Variants in SPIDR observed in about 807,000 individuals in gnomAD.
SPIDR encodes scaffold protein involved in DNA repair.
In SPIDR, 93 loss-of-function variants were observed where a neutral mutation model predicts 104.6. The ratio of observed to expected loss-of-function variants is 0.89; its 90% confidence interval spans 0.75 to 1.06. The LOEUF (loss-of-function observed/expected upper bound fraction) is 1.06, where lower values mean the gene tolerates loss of function less well. Ranked by LOEUF, SPIDR falls within the 50% of genes least tolerant of loss-of-function variation. SPIDR has a pLI of 0.00. For missense variants in SPIDR, 1,154 were observed against 1,111.2 expected (o/e 1.04, Z -0.55); for synonymous variants, 431 against 416.9 (o/e 1.03, Z -0.41).
intron 14 of SPIDR, among the ~76,000 whole-genome samples, chr8:47,703,475 A>T (rs1483389295): frequency 6.6e-6 from 1 of 152,210 alleles, no homozygotes; most frequent in Admixed American, 6.5e-5. Context: ...AAAGAGCCAG[A>T]TAGTCAATAT....
chr8:47,320,899 C>A lies in SPIDR; in HGVS notation c.525+26869C>A, dbSNP rs546831280. On this transcript the variant is annotated intron_variant, in intron 5 of 19. Transcript: ENST00000297423. The stretch of plus-strand genomic sequence containing the variant: ...AAGGCCTTTGACAAAATTTAACAAC[C>A]CTTCATGCTAAAAACTCTCAATAAA... Among the ~76,000 whole-genome samples the A allele has an allele frequency of 4.5e-4, 68 of 152,214 alleles. 1 individual carries two copies. In the South Asian group the frequency reaches 0.012, roughly 27 times the overall value.
intron 5 of SPIDR, among the ~76,000 whole-genome samples, chr8:47,305,151 C>CA (rs2042901575): frequency 2.0e-5 from 3 of 152,208 alleles, no homozygotes; most frequent in African/African-American, 7.2e-5. Flanking sequence ...CTACAGAGGG[C>CA]AGCAGAGACA....
At chr8:47,262,335 AT>A (rs925355305) in intron 1 of SPIDR, among the ~76,000 whole-genome samples, 3 of 151,576 alleles carry the variant, frequency 2.0e-5, no homozygotes. Flanking sequence ...TTTTTACTCA[AT>A]TTTTTTTAGT....
At chr8:47,558,381 G>T (rs2091572541) in intron 8 of SPIDR, among the ~76,000 whole-genome samples, 1 of 152,134 alleles carries the variant, frequency 6.6e-6, no homozygotes, top group Non-Finnish European at 1.5e-5. Context: ...TTATATAGTA[G>T]TTCTAATGTA....
At chr8:47,501,857 T>C (rs905022194) in intron 8 of SPIDR, among the ~76,000 whole-genome samples, 5 of 152,088 alleles carry the variant, frequency 3.3e-5, no homozygotes, top group African/African-American at 9.7e-5. Context: ...GCATGAAGGG[T>C]TGTTGAATTT....
chr8:47,720,595 T>C (rs2083253829), intron 16 of SPIDR, among the ~76,000 whole-genome samples: 1 of 152,236 alleles, frequency 6.6e-6, no homozygotes, highest in Admixed American at 6.5e-5. Flanking sequence ...TCTTTTCATA[T>C]GGTTATTTGT....
intron 10 of SPIDR, among the ~76,000 whole-genome samples, chr8:47,623,913 C>A (rs574563023): frequency 4.7e-4 from 72 of 152,328 alleles, no homozygotes; most frequent in African/African-American, 1.7e-3. Context: ...AACTGTCCAT[C>A]CCAAATCAAC....
At chr8:47,673,588 C>T (rs2076055531) in intron 10 of SPIDR, 3 of 620,450 alleles carry the variant, frequency 4.8e-6, no homozygotes, top group Admixed American at 5.5e-5. Context: ...ATCTTGAATT[C>T]AACGTTTTTT....
intron 19 of SPIDR, among the ~76,000 whole-genome samples, 180 bp from the exon 20 acceptor site, chr8:47,735,127 T>G (rs973964067): frequency 3.3e-5 from 5 of 150,598 alleles, no homozygotes; most frequent in African/African-American, 1.2e-4. Flanking sequence ...TGTGTGTGTG[T>G]GTGTGTGTAG....
intron 5 of SPIDR, among the ~76,000 whole-genome samples, chr8:47,295,119 T>A (rs1183172711): frequency 2.0e-5 from 3 of 152,320 alleles, no homozygotes; most frequent in Admixed American, 6.5e-5. Flanking sequence ...TCTCTGACAT[T>A]GTATTTTTCA....
At chr8:47,499,903 TG>T (rs1174128927) in intron 8 of SPIDR, among the ~76,000 whole-genome samples, 1 of 152,190 alleles carries the variant, frequency 6.6e-6, no homozygotes, top group African/African-American at 2.4e-5. Context: ...TTTGGTTTTT[TG>T]TCCTTGCGAT....
At chr8:47,492,236 C>G (rs541646868) in intron 8 of SPIDR, among the ~76,000 whole-genome samples, 1 of 152,294 alleles carries the variant, frequency 6.6e-6, no homozygotes, top group East Asian at 1.9e-4. Context: ...TGACTCTCCC[C>G]TGATTTCCAT....
At chr8:47,394,282 C>T (rs1554655838) in intron 5 of SPIDR, among the ~76,000 whole-genome samples, 2 of 152,122 alleles carry the variant, frequency 1.3e-5, no homozygotes, top group African/African-American at 4.8e-5. Context: ...CTCCTTGGAG[C>T]CCCAGCAGTA....
At chr8:47,401,773 A>T (rs566595190) in intron 6 of SPIDR, among the ~76,000 whole-genome samples, 1 of 152,394 alleles carries the variant, frequency 6.6e-6, no homozygotes, top group East Asian at 1.9e-4. Flanking sequence ...CAATTCAACA[A>T]GAAGAGCTAA....
intron 8 of SPIDR, among the ~76,000 whole-genome samples, chr8:47,457,764 G>T (rs2073239369): frequency 6.6e-6 from 1 of 152,072 alleles, no homozygotes; most frequent in Non-Finnish European, 1.5e-5. Context: ...GTTGATTTTT[G>T]TATAAGGTGA....
intron 5 of SPIDR, among the ~76,000 whole-genome samples, chr8:47,341,549 A>C (rs2050759529): frequency 6.6e-6 from 1 of 152,146 alleles, no homozygotes; most frequent in South Asian, 2.1e-4. Context: ...TTCCATTTTC[A>C]ATTTTTTTTC....
chr8:47,674,126 A>G (rs2076133313), intron 11 of SPIDR, among the ~76,000 whole-genome samples, 185 bp downstream of exon 11: 1 of 152,222 alleles, frequency 6.6e-6, no homozygotes, highest in South Asian at 2.1e-4. Context: ...ATTTCAATTG[A>G]CAACGAAAAG....
chr8:47,656,992 G>T (rs2072945098), intron 10 of SPIDR, among the ~76,000 whole-genome samples: 1 of 152,190 alleles, frequency 6.6e-6, no homozygotes, highest in South Asian at 2.1e-4. Context: ...ATCAATTGTT[G>T]CCAGGGACTC....
At chr8:47,561,370 T>G (rs1353846724) in intron 8 of SPIDR, among the ~76,000 whole-genome samples, 1 of 152,242 alleles carries the variant, frequency 6.6e-6, no homozygotes, top group Non-Finnish European at 1.5e-5. Flanking sequence ...CTTGCTCATT[T>G]GCTTCTTCCT....
Sources: allele counts gnomAD v4.1 joint callset (sites outside exome capture counted in the v4.1 genomes callset), GRCh38; gene constraint gnomAD v4.1.1; transcripts MANE v1.5; gene names NCBI Gene and HGNC (gene_info 2026-07-23, HGNC 2026-07-21).